ORC5: variants seen among roughly 807,000 people sequenced by gnomAD.
ORC5 encodes the protein origin recognition complex subunit 5.
Under a neutral mutation model 58.8 loss-of-function variants are expected in ORC5, and 39 were observed. The observed-to-expected ratio is 0.66, with a 90% CI of 0.51 to 0.87. The LOEUF is 0.87. Ranked by LOEUF, ORC5 falls within the 40% of genes least tolerant of loss-of-function variation. The probability of loss-of-function intolerance (pLI) is 0.00; values close to 1 mark genes in which losing one functional copy is unlikely to be tolerated. For synonymous variants in ORC5, 218 were observed against 177.6 expected, an observed-to-expected ratio of 1.23 and a Z score of -1.81; for missense variants, 493 against 506.3, an observed-to-expected ratio of 0.97 and a Z score of 0.25.
In ORC5 at chr7:104,197,768, ATATC is replaced by A. The variant is rs1562829576; in HGVS notation, c.394_397del (p.Asp132TrpfsTer20). On this transcript the variant is annotated frameshift_variant, in exon 4 of 14. Transcript: ENST00000297431. LOFTEE classifies it high-confidence loss of function. ...AAATCCAGGCAAAAGATTTGCTTCCATATCTCTTAGATACTCTGCTTTATCTAGA... is the reference window on the plus strand; with the variant it reads ...AAATCCAGGCAAAAGATTTGCTTCCATCTTAGATACTCTGCTTTATCTAGA... 1 of 1,598,416 alleles carries A rather than the reference ATATC, an allele frequency of 6.3e-7. No individual in the cohort carries two copies. The highest frequency in any genetic ancestry group is 2.2e-5 in the East Asian group (1 of 44,496).
chr7:104,199,290 G>A (rs774906682), intron 3 of ORC5, among the ~76,000 whole-genome samples: 59 of 152,328 alleles, frequency 3.9e-4, no homozygotes, highest in Non-Finnish European at 6.8e-4. Flanking sequence ...GATACTCAAC[G>A]CCAGCCTGTG....
intron 5 of ORC5, among the ~76,000 whole-genome samples, chr7:104,188,833 G>C (rs1799607972): frequency 6.6e-6 from 1 of 152,010 alleles, no homozygotes; most frequent in African/African-American, 2.4e-5. Flanking sequence ...TCTTGTGATA[G>C]AGTTCTCATG....
chr7:104,152,577 T>C (rs769997277), intron 12 of ORC5, among the ~76,000 whole-genome samples: 1 of 152,198 alleles, frequency 6.6e-6, no homozygotes, highest in Non-Finnish European at 1.5e-5. Context: ...ATGCACAAAT[T>C]TGCCTATATA....
intron 1 of ORC5, among the ~76,000 whole-genome samples, chr7:104,207,251 G>C (rs1168825257): frequency 6.6e-6 from 1 of 152,086 alleles, no homozygotes; most frequent in Non-Finnish European, 1.5e-5. Flanking sequence ...GACTCCCTAC[G>C]TATCTATGTT....
chr7:104,144,798 T>C (rs1798729727), intron 12 of ORC5, among the ~76,000 whole-genome samples: 1 of 152,170 alleles, frequency 6.6e-6, no homozygotes, highest in Admixed American at 6.5e-5. Flanking sequence ...AAAATACTTA[T>C]TTACTTCCTT....
intron 11 of ORC5, 85 bp downstream of exon 11, chr7:104,165,150 T>C (rs1799085235): frequency 5.7e-6 from 4 of 704,102 alleles, no homozygotes; most frequent in Admixed American, 3.2e-5. Context: ...TATATTCAAA[T>C]GACAAATACA....
At chr7:104,173,288 C>G (rs909211243) in intron 8 of ORC5, among the ~76,000 whole-genome samples, 1 of 152,212 alleles carries the variant, frequency 6.6e-6, no homozygotes, top group East Asian at 1.9e-4. Flanking sequence ...TGTAATTCTC[C>G]TCATTCTTCC....
intron 12 of ORC5, among the ~76,000 whole-genome samples, chr7:104,140,286 A>G (rs991135060): frequency 1.3e-5 from 2 of 152,086 alleles, no homozygotes; most frequent in East Asian, 1.9e-4. Context: ...ATGATTTTCT[A>G]AAATTTTTCT....
chr7:104,176,321 G>T (rs1799320367), intron 8 of ORC5, among the ~76,000 whole-genome samples: 1 of 152,146 alleles, frequency 6.6e-6, no homozygotes. Flanking sequence ...TAATAAATAA[G>T]CTAGTTATCT....
In ORC5 at chr7:104,133,685, G is replaced by GA. The variant is rs1330727856; in HGVS notation, c.1262+3095dup. Among the ~76,000 whole-genome samples the GA allele has an allele frequency of 6.6e-6, 1 of 151,954 alleles. No homozygotes were observed. The highest frequency in any genetic ancestry group is 1.5e-5 in the Non-Finnish European group (1 of 67,980). ...ACAGGTGTGGCTCAAGTTGCCTAGG[G>GA]AAAAAAATGTAATATGAGAAAAGAG... On this transcript the variant is annotated intron_variant, in intron 13 of 13. Transcript: ENST00000297431. The surrounding 1 kb of genome is among the most constrained non-coding windows in gnomAD (Gnocchi z 4.7).
chr7:104,195,451 G>A (rs529272509), intron 4 of ORC5, among the ~76,000 whole-genome samples, 197 bp from the exon 5 acceptor site: 2 of 152,274 alleles, frequency 1.3e-5, no homozygotes, highest in East Asian at 3.9e-4. Flanking sequence ...ATCCAAGCTG[G>A]AGTGCAGTGG....
At chr7:104,166,494 A>G (rs1222913663) in intron 10 of ORC5, among the ~76,000 whole-genome samples, 2 of 152,200 alleles carry the variant, frequency 1.3e-5, no homozygotes, top group African/African-American at 4.8e-5. Flanking sequence ...TCTTAAAATT[A>G]TTTCCATCCT....
intron 6 of ORC5, among the ~76,000 whole-genome samples, chr7:104,184,723 G>A (rs1288435369): frequency 2.7e-5 from 4 of 147,792 alleles, no homozygotes; most frequent in Non-Finnish European, 5.9e-5. Context: ...CATCTGTAGA[G>A]GAAATAAGAA....
rs1798480624 is a variant in ORC5, at chr7:104,129,376, AG to A, written c.1263-2484del. Among the ~76,000 whole-genome samples, 1 of 152,166 alleles carries A rather than the reference AG, an allele frequency of 6.6e-6. No individual in the cohort carries two copies. Among genetic ancestry groups the A allele is most frequent in the Non-Finnish European group, 1.5e-5 (1 of 68,010 alleles). Reference sequence around the variant, plus strand: ...TAAGTATTCATGCAAACTGAATCATAGTAAGAGTTTTAGATTAAAAAAAATC... The same window carrying A: ...TAAGTATTCATGCAAACTGAATCATATAAGAGTTTTAGATTAAAAAAAATC... On this transcript the variant is annotated intron_variant, in intron 13 of 13. Coordinates refer to ENST00000297431, the MANE Select transcript of ORC5 (RefSeq NM_002553.4). The surrounding 1 kb of genome is among the most constrained non-coding windows in gnomAD (Gnocchi z 4.9).
intron 4 of ORC5, among the ~76,000 whole-genome samples, chr7:104,195,976 A>T (rs192928716): frequency 4.7e-4 from 72 of 151,646 alleles, no homozygotes; most frequent in African/African-American, 9.8e-4. Context: ...ATAAATACTT[A>T]ACATAAAAAA....
At chr7:104,150,460 G>A (rs1408634402) in intron 12 of ORC5, among the ~76,000 whole-genome samples, 1 of 151,624 alleles carries the variant, frequency 6.6e-6, no homozygotes, top group Non-Finnish European at 1.5e-5. Context: ...ACACAAAGCA[G>A]AGGTGGTAAA....
At chr7:104,204,891 T>G (rs888508610) in intron 1 of ORC5, among the ~76,000 whole-genome samples, 4 of 152,158 alleles carry the variant, frequency 2.6e-5, no homozygotes, top group African/African-American at 9.7e-5. Context: ...CAAAGGTCTC[T>G]CTGGTCTAGT....
intron 1 of ORC5, among the ~76,000 whole-genome samples, chr7:104,207,121 G>A (rs1240904908): frequency 3.9e-5 from 6 of 152,152 alleles, no homozygotes; most frequent in Non-Finnish European, 5.9e-5. Flanking sequence ...TAAGATCCAA[G>A]TTTGATTAAT....
At chr7:104,159,067 G>A (rs1218292295) in intron 12 of ORC5, among the ~76,000 whole-genome samples, 2 of 149,530 alleles carry the variant, frequency 1.3e-5, no homozygotes, top group East Asian at 2.0e-4. Context: ...GCAAAGACTT[G>A]GAACCAACCC....
Sources: gnomAD v4.1 joint callset for allele counts (sites outside exome capture counted in the v4.1 genomes callset) on GRCh38, gnomAD v4.1.1 for gene constraint, Gnocchi (gnomAD v3.1) non-coding constraint, MANE v1.5 for transcripts, NCBI Gene and HGNC (gene_info 2026-07-23, HGNC 2026-07-21) for gene names.